The following KIF17 variants were observed in gnomAD, a reference collection of about 807,000 sequenced individuals.
KIF17 encodes kinesin family member 17.
Under a neutral mutation model 96.8 loss-of-function variants are expected in KIF17, and 80 were observed. The ratio of observed to expected loss-of-function variants is 0.83; its 90% CI spans 0.69 to 1.00. KIF17 has a LOEUF of 1.00. Ranked by LOEUF, KIF17 falls within the 50% of genes least tolerant of loss-of-function variation. The pLI, the probability that KIF17 is intolerant of heterozygous loss-of-function variation, is 0.00. For missense variants in KIF17, 1,280 were observed against 1,372.9 expected, an observed-to-expected ratio of 0.93 and a Z score of 1.07; for synonymous variants, 567 against 587.5, an observed-to-expected ratio of 0.97 and a Z score of 0.51.
Position 20,717,808 on chromosome 1 carries a change from G to A in KIF17, c.-102C>T, listed in dbSNP as rs1249255885. On this transcript the variant is annotated 5_prime_UTR_variant, in exon 1 of 15. Coordinates refer to ENST00000400463, the MANE Select transcript of KIF17 (RefSeq NM_001122819.3). ...GCGGGGCCAGCGCCGGCCACGGGGG[G>A]CGGGGCCTTGAGGCAGGGGCGGGGC... The A allele has an allele frequency of 1.0e-5, 13 of 1,286,098 alleles. No homozygotes were observed. Among genetic ancestry groups the A allele is most frequent in the Admixed American group, 4.2e-5 (1 of 23,692 alleles). 79.7% of individuals were successfully genotyped at this position (1,286,098 alleles called of 1,614,324 possible).
At position 20,717,896 on chromosome 1, in the gene KIF17, C is replaced by A. The variant is rs916665979; in HGVS notation, c.-190G>T. The stretch of plus-strand genomic sequence containing the variant: ...GAGGGGAGCTGGGCGTCGCAGGACC[C>A]GAGCCGGGGCCGCCGCTTCCTCCCG... On this transcript the variant is annotated 5_prime_UTR_variant, in exon 1 of 15. Transcript: ENST00000400463. The A allele has an allele frequency of 1.8e-5, 5 of 283,306 alleles. No individual in the cohort carries two copies. The Admixed American group carries it at 2.4e-4, about 13-fold the overall frequency. 17.5% of individuals were successfully genotyped at this position (283,306 alleles called of 1,614,324 possible).
At chr1:20,695,220 C>CTCTG (rs2054115132) in intron 6 of KIF17, among the ~76,000 whole-genome samples, 1 of 152,158 alleles carries the variant, frequency 6.6e-6, no homozygotes, top group South Asian at 2.1e-4. Flanking sequence ...CAGAGTCTCA[C>CTCTG]TCTGTCGCCC....
intron 6 of KIF17, among the ~76,000 whole-genome samples, chr1:20,692,127 G>A (rs916216994): frequency 1.3e-5 from 2 of 152,190 alleles, no homozygotes; most frequent in African/African-American, 2.4e-5. Context: ...TGAGACCCAA[G>A]TGATTTGGCC....
chr1:20,661,687 A>G (rs1016080502), downstream of KIF17: 1 of 435,836 alleles, frequency 2.3e-6, no homozygotes. Flanking sequence ...CCCGCCCCCT[A>G]GTCTGGAGCC....
Position 20,713,841 on chromosome 1 carries a change from C to T in KIF17, c.379-286G>A, listed in dbSNP as rs1482303575. 3.3e-5 allele frequency among the ~76,000 whole-genome samples: 5 copies of T among 152,090 alleles called. No individual in the cohort carries two copies. The East Asian group carries it at 5.8e-4, about 18-fold the overall frequency. On this transcript the variant is annotated intron_variant, in intron 2 of 14. Coordinates refer to ENST00000400463, the MANE Select transcript of KIF17 (RefSeq NM_001122819.3). The stretch of plus-strand genomic sequence containing the variant: ...ATGGGAAAGGAAACAGAGGCCTCCT[C>T]GTTATTCAGGTTAAAAACAAAAACA...
chr1:20,671,371 C>T (rs1478040896), intron 12 of KIF17, among the ~76,000 whole-genome samples: 1 of 152,154 alleles, frequency 6.6e-6, no homozygotes, highest in Non-Finnish European at 1.5e-5. Flanking sequence ...CACTTTGTTA[C>T]CCAGGCTGGA....
chr1:20,687,089 C>T lies in KIF17; in HGVS notation c.1938+299G>A, dbSNP rs1038568904. ...ACTGTAACCATGGCAACTGGGCAAA[C>T]GCCCTGTACAGCTGTCCCTCCATCT... is the stretch of plus-strand genomic sequence containing the variant. On this transcript the variant is annotated intron_variant, in intron 8 of 14. Coordinates refer to ENST00000400463, the MANE Select transcript of KIF17 (RefSeq NM_001122819.3). This position sits in a 1 kb window ranked among gnomAD's most constrained non-coding sequence, Gnocchi z 4.4. Among the ~76,000 whole-genome samples, 8 of 152,180 alleles carry T rather than the reference C, an allele frequency of 5.3e-5. No homozygotes were observed. Among genetic ancestry groups the T allele is most frequent in the African/African-American group, 1.9e-4 (8 of 41,446 alleles).
At chr1:20,671,880 G>A in intron 12 of KIF17, 58 bp downstream of exon 12, 1 of 1,591,240 alleles carries the variant, frequency 6.3e-7, no homozygotes. Context: ...CTGCCAGTCT[G>A]CAGGATGGTA....
Position 20,670,456 on chromosome 1 carries a change from T to C in KIF17, c.2755A>G (p.Lys919Glu). The change falls in exon 13 of 15, where the codon AAA (lysine) becomes GAA (glutamate). Residue 919 changes from lysine to glutamate, a missense_variant. Transcript: ENST00000400463. ...TCGCCATTGTCTGCTGCAGAGGTTT[T>C]GCGGGCTGGTTTGTTCTGTGGCCCA... ...STGPQNKPAR[K>E]TSAADNGEPN... is the part of the protein sequence containing the mutation. 1 of 1,614,126 alleles carries C rather than the reference T, an allele frequency of 6.2e-7. No individual in the cohort carries two copies. Among genetic ancestry groups the C allele is most frequent in the Non-Finnish European group, 8.5e-7 (1 of 1,180,038 alleles).
chr1:20,715,372 C>A, intron 2 of KIF17, 121 bp downstream of exon 2: 1 of 1,307,284 alleles, frequency 7.6e-7, no homozygotes, highest in Non-Finnish European at 1.1e-6. Flanking sequence ...AGAGCCTTCT[C>A]TGCTGATCTG....
intron 5 of KIF17, among the ~76,000 whole-genome samples, chr1:20,702,089 C>T (rs1351075863): frequency 2.0e-5 from 3 of 152,204 alleles, no homozygotes; most frequent in Non-Finnish European, 4.4e-5. Flanking sequence ...AGGCCTCGTG[C>T]TGAGCCCACA....
In KIF17 at chr1:20,697,958, T is replaced by C. The variant is rs149508703; in HGVS notation, c.1233+421A>G. Among the ~76,000 whole-genome samples the C allele has an allele frequency of 3.9e-3, 590 of 152,268 alleles. 4 individuals are homozygous for C. Among genetic ancestry groups the C allele is most frequent in the African/African-American group, 0.013 (544 of 41,558 alleles). ...ACGGGCTGCCTGGCTCTCAGACTTG[T>C]CGTCGGCTGCTGGGGGACAGACTCC... is the stretch of plus-strand genomic sequence containing the variant. On this transcript the variant is annotated intron_variant, in intron 6 of 14. Coordinates refer to ENST00000400463, the MANE Select transcript of KIF17 (RefSeq NM_001122819.3).
intron 5 of KIF17, among the ~76,000 whole-genome samples, chr1:20,703,180 T>TGAAC (rs1553151988): frequency 1.3e-5 from 2 of 149,872 alleles, no homozygotes; most frequent in African/African-American, 2.4e-5. Context: ...GATGGATGAA[T>TGAAC]GGATGGACGG....
chr1:20,682,811 G>A lies in KIF17; in HGVS notation c.2305C>T (p.Arg769Trp), dbSNP rs376783254. Reference protein sequence around the residue: ...KNKDLKEKHKRRKRYADERRK... With the variant: ...KNKDLKEKHKWRKRYADERRK... The stretch of plus-strand genomic sequence containing the variant: ...CGCTCGTCTGCGTAGCGCTTGCGCC[G>A]CTTGTGCTTCTCCTTCAGGTCCTTG... The change falls in exon 11 of 15, where the codon CGG (arginine) becomes TGG (tryptophan). Residue 769 changes from arginine to tryptophan, a missense_variant. Transcript: ENST00000400463. 2.5e-5 allele frequency: 41 copies of A among 1,612,492 alleles called. No homozygotes were observed. The highest frequency in any genetic ancestry group is 4.0e-5 in the African/African-American group (3 of 74,946).
rs116806262 is a variant in KIF17, at chr1:20,704,586, G to A, written c.984C>T (p.Tyr328=). The change falls in exon 5 of 15, where the codon TAC becomes TAT. Residue 328 remains tyrosine (Y), a synonymous_variant. Coordinates refer to ENST00000400463, the MANE Select transcript of KIF17 (RefSeq NM_001122819.3). The surrounding 1 kb of genome is among the most constrained non-coding windows in gnomAD (Gnocchi z 6.8). ...NYDETLSTLR[Y]ANRAKNIRNK... ...TCCTGATGTTCTTGGCCCGGTTGGC[G>A]TAGCGCAGCGTGCTGAGTGTCTCAT... 1,399 of 1,614,182 alleles carry A rather than the reference G, an allele frequency of 8.7e-4. 14 individuals carry two copies. In the African/African-American group the frequency reaches 0.016, roughly 19 times the overall value.
chr1:20,716,306 G>A (rs1192964799), intron 1 of KIF17, among the ~76,000 whole-genome samples: 1 of 151,908 alleles, frequency 6.6e-6, no homozygotes, highest in African/African-American at 2.4e-5. Context: ...GGCTCTCACA[G>A]GGTGCATACA....
intron 6 of KIF17, among the ~76,000 whole-genome samples, chr1:20,697,286 T>A: frequency 6.6e-6 from 1 of 151,946 alleles, no homozygotes; most frequent in East Asian, 1.9e-4. Flanking sequence ...TGGCATCAGG[T>A]TTCACATCAG....
rs201078177 is a variant in KIF17 at position 20,704,746 on chromosome 1, G to A, written c.824C>T (p.Ser275Leu). The A allele has an allele frequency of 1.1e-4, 170 of 1,612,642 alleles. No individual in the cohort carries two copies. The highest frequency in any genetic ancestry group is 1.4e-4 in the Non-Finnish European group (162 of 1,179,306). The change falls in exon 5 of 15, where the codon TCG becomes TTG. Residue 275 changes from serine to leucine, a missense_variant. Transcript: ENST00000400463. The surrounding 1 kb of genome is among the most constrained non-coding windows in gnomAD (Gnocchi z 6.8). ...LSLSALGNVI[S>L]ALVDGRCKHV... is the part of the protein sequence containing the mutation. The stretch of plus-strand genomic sequence containing the variant: ...CTTACAGCGCCCGTCCACCAGCGCC[G>A]AGATGACATTGCCCAGTGCCGAGAG...
intron 11 of KIF17, among the ~76,000 whole-genome samples, chr1:20,677,842 C>T (rs561711681): frequency 1.3e-5 from 2 of 152,330 alleles, no homozygotes; most frequent in African/African-American, 2.4e-5. Flanking sequence ...AGCAACAGAG[C>T]GAGACTCCGT....
Sources: gnomAD v4.1 joint callset for allele counts (sites outside exome capture counted in the v4.1 genomes callset) on GRCh38, gnomAD v4.1.1 for gene constraint, Gnocchi (gnomAD v3.1) non-coding constraint, MANE v1.5 for transcripts, NCBI Gene and HGNC (gene_info 2026-07-23, HGNC 2026-07-21) for gene names.